The following ZNF410 variants were observed in gnomAD, a reference collection of about 807,000 sequenced individuals.
ZNF410 encodes zinc finger protein 410.
Under a neutral mutation model 54.8 loss-of-function variants are expected in ZNF410, and 18 were observed. The observed-to-expected ratio is 0.33, with a 90% confidence interval of 0.23 to 0.49. ZNF410 has a LOEUF of 0.49. Ranked by LOEUF, ZNF410 falls within the 20% of genes least tolerant of loss-of-function variation. The probability of loss-of-function intolerance (pLI) is 0.99; values close to 1 mark genes in which losing one functional copy is unlikely to be tolerated. For synonymous variants in ZNF410, 191 were observed against 207.3 expected (o/e 0.92, Z 0.68); for missense variants, 405 against 569.6 (o/e 0.71, Z 2.94).
In ZNF410 at chr14:73,892,029, T is replaced by A. The variant is rs758651596; in HGVS notation, c.-147T>A. On this transcript the variant is annotated splice_region_variant and 5_prime_UTR_variant, in exon 2 of 12. Coordinates refer to ENST00000555044, the MANE Select transcript of ZNF410 (RefSeq NM_021188.3). The stretch of plus-strand genomic sequence containing the variant: ...TCTCTTTTTTACCCCTATTCTAGGT[T>A]ACATTGATTACCCACCTAGTACAAC... 2.3e-6 allele frequency: 2 copies of A among 885,282 alleles called. No homozygotes were observed. Among genetic ancestry groups the A allele is most frequent in the South Asian group, 2.7e-5 (2 of 74,540 alleles). The allele number at this position is 885,282 out of a possible 1,614,324, so 54.8% of individuals were successfully genotyped here.
chr14:73,927,178 C>T (rs928971239), intron 11 of ZNF410: 16 of 262,738 alleles, frequency 6.1e-5, no homozygotes, highest in Non-Finnish European at 2.5e-5. Flanking sequence ...CTCTACCTCC[C>T]GAATTCAAGC....
At chr14:73,918,392 G>A (rs1225222729) in intron 8 of ZNF410, among the ~76,000 whole-genome samples, 4 of 152,060 alleles carry the variant, frequency 2.6e-5, no homozygotes, top group African/African-American at 4.8e-5. Flanking sequence ...GAGCCACTGC[G>A]CCTGGCCTGT....
chr14:73,928,914 A>C lies in ZNF410; in HGVS notation c.1399-2589A>C, dbSNP rs543644613. The stretch of plus-strand genomic sequence containing the variant: ...CAGTGAACTATGATTGTCCCACTGC[A>C]CTCCAGCCTGGGAGAGATCCTATCC... On this transcript the variant is annotated intron_variant, in intron 11 of 11. Transcript: ENST00000555044. Among the ~76,000 whole-genome samples the C allele has an allele frequency of 1.3e-4, 20 of 152,174 alleles. No individual in the cohort carries two copies. The South Asian group carries it at 4.1e-3, about 32-fold the overall frequency.
chr14:73,892,241 G>T (rs775288721), intron 2 of ZNF410, 33 bp downstream of exon 2: 3 of 1,608,942 alleles, frequency 1.9e-6, no homozygotes, highest in Middle Eastern at 3.3e-4. Context: ...CTTTTCTTTT[G>T]GTGGGCTATA....
chr14:73,909,586 C>G, intron 8 of ZNF410, 156 bp downstream of exon 8: 1 of 542,884 alleles, frequency 1.8e-6, no homozygotes, highest in African/African-American at 1.9e-5. Flanking sequence ...AATCAAGGCC[C>G]TTAATTCTTA....
intron 8 of ZNF410, among the ~76,000 whole-genome samples, chr14:73,917,756 G>T (rs752697738): frequency 1.3e-4 from 20 of 152,276 alleles, no homozygotes; most frequent in Non-Finnish European, 2.8e-4. Context: ...CTGGGAGGGG[G>T]AGGTTGCAGT....
intron 3 of ZNF410, chr14:73,895,538 A>AT (rs1281614786): frequency 1.5e-5 from 2 of 132,164 alleles, no homozygotes; most frequent in Admixed American, 1.5e-4. Context: ...TAATGAATGC[A>AT]TTTAAAAAAA....
chr14:73,925,195 A>T (rs1487276025), intron 11 of ZNF410, among the ~76,000 whole-genome samples: 1 of 152,156 alleles, frequency 6.6e-6, no homozygotes, highest in Non-Finnish European at 1.5e-5. Context: ...TGATCTTGAT[A>T]TCATTGGTTC....
intron 5 of ZNF410, among the ~76,000 whole-genome samples, chr14:73,902,653 G>A (rs1335545869): frequency 1.3e-5 from 2 of 152,086 alleles, no homozygotes; most frequent in African/African-American, 4.8e-5. Flanking sequence ...TTATTGCTAA[G>A]GTATATATAG....
At chr14:73,891,189 G>A (rs2055224899) in intron 1 of ZNF410, among the ~76,000 whole-genome samples, 1 of 151,806 alleles carries the variant, frequency 6.6e-6, no homozygotes. Flanking sequence ...AGTCACACCA[G>A]CCTACCACAC....
rs1256690444 is a variant in ZNF410 at position 73,889,203 on chromosome 14, C to G, written c.-150+2288C>G. Among the ~76,000 whole-genome samples, 3 of 151,952 alleles carry G rather than the reference C, an allele frequency of 2.0e-5. No individual in the cohort carries two copies. The East Asian group carries it at 5.8e-4, about 29-fold the overall frequency. ...GAATTCTTGTTTTTTTTGAGACAGC[C>G]TCCATTTGTTACCCAGGCTGGAGTG... On this transcript the variant is annotated intron_variant, in intron 1 of 11. Transcript: ENST00000555044.
intron 8 of ZNF410, among the ~76,000 whole-genome samples, chr14:73,918,506 G>A (rs1487033212): frequency 6.6e-6 from 1 of 151,644 alleles, no homozygotes; most frequent in Non-Finnish European, 1.5e-5. Context: ...TTTCTCTACT[G>A]TCCGACTCCA....
intron 7 of ZNF410, 39 bp from the exon 8 acceptor site, chr14:73,909,302 A>G (rs745621234): frequency 6.4e-7 from 1 of 1,556,454 alleles, no homozygotes; most frequent in Non-Finnish European, 8.8e-7. Flanking sequence ...TAATCAGTTC[A>G]TCAGAAGACT....
At chr14:73,895,860 A>G (rs1185831771) in intron 3 of ZNF410, among the ~76,000 whole-genome samples, 3 of 152,242 alleles carry the variant, frequency 2.0e-5, no homozygotes, top group Admixed American at 2.0e-4. Flanking sequence ...AGATACAACC[A>G]TAGGTAAAAA....
At chr14:73,916,650 G>A (rs1190398499) in intron 8 of ZNF410, 1 of 152,104 alleles carries the variant, frequency 6.6e-6, no homozygotes, top group Non-Finnish European at 1.5e-5. Context: ...TGGAACCACA[G>A]TCTGGGTGCC....
chr14:73,912,358 C>A (rs1277340735), intron 8 of ZNF410, among the ~76,000 whole-genome samples: 1 of 151,684 alleles, frequency 6.6e-6, no homozygotes, highest in Non-Finnish European at 1.5e-5. Flanking sequence ...TTACTAGAGA[C>A]GGTTTCACCA....
At chr14:73,899,871 TAAC>T (rs755607285) in intron 5 of ZNF410, among the ~76,000 whole-genome samples, 5 of 152,198 alleles carry the variant, frequency 3.3e-5, no homozygotes, top group African/African-American at 4.8e-5. Context: ...CTTACTATCT[TAAC>T]AACTACTTTG....
At chr14:73,890,936 AGG>A (rs2055219422) in intron 1 of ZNF410, among the ~76,000 whole-genome samples, 1 of 152,078 alleles carries the variant, frequency 6.6e-6, no homozygotes, top group African/African-American at 2.4e-5. Context: ...TGAACCTGGG[AGG>A]CAGAGGTTGT....
At chr14:73,903,252 C>G (rs7157715) in intron 5 of ZNF410, among the ~76,000 whole-genome samples, 49,767 of 151,972 alleles carry the variant, frequency 0.33, 9,467 homozygotes, top group Non-Finnish European at 0.42. Context: ...GTTTTTATTA[C>G]TCAGAACTTT....
Sources: allele counts gnomAD v4.1 joint callset (sites outside exome capture counted in the v4.1 genomes callset), GRCh38; gene constraint gnomAD v4.1.1; transcripts MANE v1.5; gene names NCBI Gene and HGNC (gene_info 2026-07-23, HGNC 2026-07-21).